The following MYO1D variants were observed in gnomAD, a reference collection of about 807,000 sequenced individuals.
The protein encoded by MYO1D is myosin ID.
A neutral mutation model predicts 122.0 loss-of-function variants in MYO1D; 83 were observed. The observed-to-expected ratio is 0.68, with a 90% CI of 0.57 to 0.82. The LOEUF is 0.82. Ranked by LOEUF, MYO1D falls within the 40% of genes least tolerant of loss-of-function variation. The pLI is 0.00. For missense variants in MYO1D, 1,157 were observed against 1,269.5 expected (o/e 0.91, Z 1.35); for synonymous variants, 464 against 446.9 (o/e 1.04, Z -0.48).
rs36029711 is a variant in MYO1D at position 32,859,773 on chromosome 17, T to G, written c.95+17005A>C. 3.0e-3 allele frequency among the ~76,000 whole-genome samples: 461 copies of G among 152,314 alleles called. 3 individuals carry two copies. The highest frequency in any genetic ancestry group is 0.011 in the African/African-American group (453 of 41,566). ...GCATTCTTTTCTGAATAAATCCTAT[T>G]CTGTCTACATAGCTTGTAAAACTGT... On this transcript the variant is annotated intron_variant, in intron 1 of 21. Coordinates refer to ENST00000318217, the MANE Select transcript of MYO1D (RefSeq NM_015194.3).
At chr17:32,657,826 T>C (rs2088497808) in intron 17 of MYO1D, among the ~76,000 whole-genome samples, 1 of 152,190 alleles carries the variant, frequency 6.6e-6, no homozygotes, top group African/African-American at 2.4e-5. Context: ...AAAATCTAAA[T>C]AGAAGACTGT....
In MYO1D at chr17:32,507,390, C is replaced by T. The variant is rs576012527; in HGVS notation, c.2865-12475G>A. On this transcript the variant is annotated intron_variant, in intron 21 of 21. Coordinates refer to ENST00000318217, the MANE Select transcript of MYO1D (RefSeq NM_015194.3). ...CTGCACTCCAATCTGGGTGACAGAG[C>T]GAGACCCTATCTCAAAAAAACTCCC... is the stretch of plus-strand genomic sequence containing the variant. Among the ~76,000 whole-genome samples, 79 of 152,088 alleles carry T rather than the reference C, an allele frequency of 5.2e-4. 1 individual carries two copies. The highest frequency in any genetic ancestry group is 1.8e-3 in the African/African-American group (75 of 41,494).
intron 19 of MYO1D, among the ~76,000 whole-genome samples, chr17:32,642,128 C>G (rs1306144678): frequency 6.6e-6 from 1 of 152,218 alleles, no homozygotes; most frequent in Non-Finnish European, 1.5e-5. Context: ...GGAAGGCATC[C>G]AGTTTCAGCT....
intron 19 of MYO1D, among the ~76,000 whole-genome samples, chr17:32,652,095 A>ATC (rs1336072022): frequency 6.6e-6 from 1 of 151,896 alleles, no homozygotes; most frequent in Non-Finnish European, 1.5e-5. Context: ...AAACCTGTAC[A>ATC]TCTCTCTCTC....
intron 12 of MYO1D, among the ~76,000 whole-genome samples, chr17:32,748,011 C>T (rs1197979631): frequency 6.6e-6 from 1 of 151,924 alleles, no homozygotes; most frequent in East Asian, 1.9e-4. Context: ...AGAGTGTGGC[C>T]CTGCTGACAT....
chr17:32,850,096 AAT>A (rs2090973041), intron 1 of MYO1D, among the ~76,000 whole-genome samples: 1 of 152,192 alleles, frequency 6.6e-6, no homozygotes, highest in Non-Finnish European at 1.5e-5. Context: ...CTGGCATAAA[AAT>A]CATCAGTCTT....
intron 14 of MYO1D, among the ~76,000 whole-genome samples, chr17:32,725,123 C>T (rs1013458704): frequency 6.6e-6 from 1 of 151,994 alleles, no homozygotes; most frequent in African/African-American, 2.4e-5. Flanking sequence ...TGTATAGAAC[C>T]AGAAACTATG....
chr17:32,819,029 T>C (rs990881730), intron 1 of MYO1D, among the ~76,000 whole-genome samples: 2 of 152,214 alleles, frequency 1.3e-5, no homozygotes, highest in African/African-American at 2.4e-5. Context: ...GAAAGTGTTC[T>C]ATCTACAAAA....
chr17:32,685,518 T>G (rs1168705806), intron 16 of MYO1D, among the ~76,000 whole-genome samples: 2 of 152,194 alleles, frequency 1.3e-5, no homozygotes, highest in African/African-American at 4.8e-5. Context: ...ATCCACTGTT[T>G]AACTATATAA....
In MYO1D at chr17:32,877,073, C is replaced by A. The variant is rs2091242439; in HGVS notation, c.-201G>T. 4.6e-6 allele frequency: 1 copy of A among 219,620 alleles called. No homozygotes were observed. Among genetic ancestry groups the A allele is most frequent in the African/African-American group, 2.3e-5 (1 of 42,972 alleles). 13.6% of individuals were successfully genotyped at this position (219,620 alleles called of 1,614,324 possible). ...CCTTCTCGGCCGGCGCGGCTCCGAACGGGACGCACCCGACAGTTTCCGCTC... is the reference window on the plus strand; with the variant it reads ...CCTTCTCGGCCGGCGCGGCTCCGAAAGGGACGCACCCGACAGTTTCCGCTC... On this transcript the variant is annotated 5_prime_UTR_variant, in exon 1 of 22. Transcript: ENST00000318217.
At position 32,760,644 on chromosome 17, in the gene MYO1D, A is replaced by T. The variant is rs1489160553; in HGVS notation, c.1036-17T>A. On this transcript the variant is annotated splice_polypyrimidine_tract_variant and intron_variant, in intron 8 of 21. Transcript: ENST00000318217. ...ATATATTGCCTGCAAGGAAAATAGC[A>T]TCATAAATGCTTGCCAATTTGGGAA... is the stretch of plus-strand genomic sequence containing the variant. 1 of 1,590,994 alleles carries T rather than the reference A, an allele frequency of 6.3e-7. No individual in the cohort carries two copies. Among genetic ancestry groups the T allele is most frequent in the Admixed American group, 1.8e-5 (1 of 55,260 alleles).
At chr17:32,752,235 A>G (rs1316141564) in intron 11 of MYO1D, among the ~76,000 whole-genome samples, 2 of 152,190 alleles carry the variant, frequency 1.3e-5, no homozygotes, top group Non-Finnish European at 2.9e-5. Context: ...ATACAGCAGA[A>G]TGAAATTGGA....
Position 32,630,794 on chromosome 17 carries a change from C to T in MYO1D, c.2709+7928G>A, listed in dbSNP as rs543107905. Among the ~76,000 whole-genome samples, 36 of 152,154 alleles carry T rather than the reference C, an allele frequency of 2.4e-4. No individual in the cohort carries two copies. In the South Asian group the frequency reaches 7.1e-3, roughly 30 times the overall value. The stretch of plus-strand genomic sequence containing the variant: ...TTCACCTTGTTAGCCAGGATGGTCT[C>T]AATCTCCTGACCTCGTGATCCACCC... On this transcript the variant is annotated intron_variant, in intron 20 of 21. Transcript: ENST00000318217.
At chr17:32,653,362 T>A (rs1464592838) in intron 19 of MYO1D, among the ~76,000 whole-genome samples, 1 of 151,628 alleles carries the variant, frequency 6.6e-6, no homozygotes, top group Non-Finnish European at 1.5e-5. Context: ...ATCCCAGCAC[T>A]TTAGGAGGCT....
chr17:32,824,698 G>C (rs1313881884), intron 1 of MYO1D, among the ~76,000 whole-genome samples: 1 of 152,176 alleles, frequency 6.6e-6, no homozygotes, highest in Admixed American at 6.5e-5. Context: ...CTTTGGAGCT[G>C]GTGCTCTGGT....
At chr17:32,546,347 C>T (rs537472627) in intron 21 of MYO1D, among the ~76,000 whole-genome samples, 1 of 152,344 alleles carries the variant, frequency 6.6e-6, no homozygotes, top group East Asian at 1.9e-4. Context: ...AACCATCCCT[C>T]TGCGAGGAGC....
intron 16 of MYO1D, among the ~76,000 whole-genome samples, chr17:32,677,580 AATATATATATATAT>A (rs10523328): frequency 0.015 from 2,043 of 135,888 alleles, 24 homozygotes; most frequent in African/African-American, 0.025. Context: ...TAGATAGATA[AATATATATATATAT>A]ATATATATAT....
intron 11 of MYO1D, among the ~76,000 whole-genome samples, chr17:32,753,462 G>A (rs1260869169): frequency 1.3e-5 from 2 of 152,096 alleles, no homozygotes; most frequent in Non-Finnish European, 2.9e-5. Context: ...CCAAAAGAAA[G>A]AGCCACTTGG....
rs1444096139 is a variant in MYO1D at position 32,877,119 on chromosome 17, C to G, written c.-247G>C. The G allele has an allele frequency of 5.4e-6, 1 of 186,570 alleles. No homozygotes were observed. Among genetic ancestry groups the G allele is most frequent in the East Asian group, 1.4e-4 (1 of 7,032 alleles). 11.6% of individuals were successfully genotyped at this position (186,570 alleles called of 1,614,324 possible). A position where few individuals can be genotyped will look rare whatever the true frequency, so the allele number is the denominator to read the frequency against. On this transcript the variant is annotated 5_prime_UTR_variant, in exon 1 of 22. Transcript: ENST00000318217. ...CGCTCCTCCCGCCGCGGCTGCCGGG[C>G]GCTGTAGGGGCCGGGACACCGAGAC... is the stretch of plus-strand genomic sequence containing the variant.
Sources: allele counts gnomAD v4.1 joint callset (sites outside exome capture counted in the v4.1 genomes callset), GRCh38; gene constraint gnomAD v4.1.1; transcripts MANE v1.5; gene names NCBI Gene and HGNC (gene_info 2026-07-23, HGNC 2026-07-21).